Variants in HUNK observed in about 807,000 individuals in gnomAD.
HUNK encodes hormonally up-regulated Neu-associated kinase, also known as hormonally up-regulated neu tumor-associated kinase.
In HUNK, 21 loss-of-function variants were observed where a neutral mutation model predicts 61.0. That is an observed-to-expected ratio of 0.34 (90% CI 0.24 to 0.50). The LOEUF (loss-of-function observed/expected upper bound fraction) is 0.50. Ranked by LOEUF, HUNK falls within the 20% of genes least tolerant of loss-of-function variation. The pLI is 0.98. For missense variants in HUNK, 772 were observed against 945.7 expected (o/e 0.82, Z 2.41); for synonymous variants, 371 against 386.1 (o/e 0.96, Z 0.46).
chr21:31,899,923 G>A (rs1161910801), intron 1 of HUNK, among the ~76,000 whole-genome samples: 2 of 151,984 alleles, frequency 1.3e-5, no homozygotes, highest in Non-Finnish European at 2.9e-5. Flanking sequence ...GATTACAGGT[G>A]CCTATCACCA....
At chr21:31,890,669 G>A (rs928421167) in intron 1 of HUNK, among the ~76,000 whole-genome samples, 1 of 152,168 alleles carries the variant, frequency 6.6e-6, no homozygotes, top group African/African-American at 2.4e-5. Flanking sequence ...TGATACTGCT[G>A]TTGCTATCCT....
chr21:31,977,617 C>T (rs893533439), intron 7 of HUNK, among the ~76,000 whole-genome samples: 4 of 152,196 alleles, frequency 2.6e-5, no homozygotes, highest in Non-Finnish European at 4.4e-5. Flanking sequence ...GATTCACGCT[C>T]TTCTTAAACA....
At chr21:31,911,794 G>A (rs1034370546) in intron 1 of HUNK, among the ~76,000 whole-genome samples, 3 of 152,008 alleles carry the variant, frequency 2.0e-5, no homozygotes, top group Admixed American at 6.6e-5. Context: ...GTCATGGATC[G>A]CCTGCTGTAA....
At chr21:31,917,697 C>CAT (rs1449598729) in intron 1 of HUNK, among the ~76,000 whole-genome samples, 1 of 24,148 alleles carries the variant, frequency 4.1e-5, no homozygotes, top group Admixed American at 3.2e-4. Context: ...CCCAAACATA[C>CAT]ACACACACAC....
intron 1 of HUNK, among the ~76,000 whole-genome samples, chr21:31,889,483 T>G (rs534938933): frequency 3.3e-5 from 5 of 152,374 alleles, no homozygotes; most frequent in African/African-American, 1.2e-4. Context: ...AGTGCATTCT[T>G]GTTTCCAGGT....
intron 10 of HUNK, among the ~76,000 whole-genome samples, chr21:31,997,663 CTTA>C (rs1477567565): frequency 6.6e-6 from 1 of 152,184 alleles, no homozygotes; most frequent in Admixed American, 6.5e-5. Flanking sequence ...TGTGAATATA[CTTA>C]TTATTGCTGA....
intron 3 of HUNK, 46 bp from the exon 4 acceptor site, chr21:31,945,990 C>T (rs760569132): frequency 1.2e-5 from 19 of 1,546,742 alleles, no homozygotes; most frequent in South Asian, 2.4e-5. Flanking sequence ...TCTTCATTTC[C>T]GCAGTTTTCT....
intron 5 of HUNK, among the ~76,000 whole-genome samples, chr21:31,967,093 A>C (rs1035357551): frequency 8.5e-5 from 13 of 152,144 alleles, no homozygotes; most frequent in African/African-American, 3.1e-4. Flanking sequence ...TTACACACTT[A>C]ATCCCAACAC....
intron 1 of HUNK, among the ~76,000 whole-genome samples, chr21:31,921,633 G>T (rs780776782): frequency 6.6e-6 from 1 of 152,128 alleles, no homozygotes; most frequent in Non-Finnish European, 1.5e-5. Flanking sequence ...AGAAATCAGA[G>T]TTCTAGACCC....
Position 31,924,739 on chromosome 21 carries a change from A to C in HUNK, c.533A>C (p.His178Pro). 6.2e-7 allele frequency: 1 copy of C among 1,611,050 alleles called. No homozygotes were observed. Among genetic ancestry groups the C allele is most frequent in the Non-Finnish European group, 8.5e-7 (1 of 1,178,768 alleles). Residue 178 changes from histidine to proline, a missense_variant, in exon 2 of 11, where the codon CAC becomes CCC. Coordinates refer to ENST00000270112, the MANE Select transcript of HUNK (RefSeq NM_014586.2). The surrounding 1 kb of genome is among the most constrained non-coding windows in gnomAD (Gnocchi z 5.1). Reference sequence around the variant, plus strand: ...CTCATCTCTGCCGTAGAGCACCTGCACCGGGCCGGGGTGGTCCACAGGTAA... The same window carrying C: ...CTCATCTCTGCCGTAGAGCACCTGCCCCGGGCCGGGGTGGTCCACAGGTAA... ...RQLISAVEHL[H>P]RAGVVHRDLK...
At chr21:31,938,793 T>C (rs1053220019) in intron 2 of HUNK, among the ~76,000 whole-genome samples, 5 of 152,176 alleles carry the variant, frequency 3.3e-5, no homozygotes, top group Non-Finnish European at 7.3e-5. Context: ...AAGAGTGTTT[T>C]TACATAGTTA....
At position 31,900,600 on chromosome 21, in the gene HUNK, G is replaced by C. The variant is rs913729182; in HGVS notation, c.262-23868G>C. Among the ~76,000 whole-genome samples, 3 of 152,254 alleles carry C rather than the reference G, an allele frequency of 2.0e-5. No homozygotes were observed. The East Asian group carries it at 5.8e-4, about 29-fold the overall frequency. ...TCTGAGGTTTTGTCATGGTCCAAAG[G>C]TCTCCTCTTCGAGTCTGGCTCTCTT... On this transcript the variant is annotated intron_variant, in intron 1 of 10. Transcript: ENST00000270112.
intron 1 of HUNK, among the ~76,000 whole-genome samples, chr21:31,910,219 G>C (rs2052536640): frequency 1.3e-5 from 2 of 152,118 alleles, no homozygotes; most frequent in Admixed American, 6.6e-5. Context: ...AGTTCTGCAG[G>C]CTGGAAACCT....
rs944709164 is a variant in HUNK, at chr21:31,932,182, G to A, written c.554+7422G>A. 3.0e-4 allele frequency among the ~76,000 whole-genome samples: 46 copies of A among 152,308 alleles called. 1 individual carries two copies. Among genetic ancestry groups the A allele is most frequent in the African/African-American group, 7.9e-4 (33 of 41,568 alleles). On this transcript the variant is annotated intron_variant, in intron 2 of 10. Coordinates refer to ENST00000270112, the MANE Select transcript of HUNK (RefSeq NM_014586.2). ...CTCATGTGTACTTACACACTCGGGCGTAAACACACACACACACTCCTGATT... is the reference window on the plus strand; with the variant it reads ...CTCATGTGTACTTACACACTCGGGCATAAACACACACACACACTCCTGATT...
At chr21:31,991,225 CT>C (rs966437857) in intron 9 of HUNK, among the ~76,000 whole-genome samples, 20 of 149,140 alleles carry the variant, frequency 1.3e-4, no homozygotes, top group East Asian at 3.9e-4. Flanking sequence ...AAAACCCCAC[CT>C]TTTTTTTTTG....
chr21:31,974,536 C>T lies in HUNK; in HGVS notation c.1011-19C>T. 6.2e-7 allele frequency: 1 copy of T among 1,606,442 alleles called. No homozygotes were observed. The highest frequency in any genetic ancestry group is 8.5e-7 in the Non-Finnish European group (1 of 1,176,148). Reference sequence around the variant, plus strand: ...GTGAAGTGCAGGGGTGACTGGTCCTCTCTCTCTGCACCTCGCAGGATTTCT... The same window carrying T: ...GTGAAGTGCAGGGGTGACTGGTCCTTTCTCTCTGCACCTCGCAGGATTTCT... On this transcript the variant is annotated intron_variant, in intron 6 of 10. Coordinates refer to ENST00000270112, the MANE Select transcript of HUNK (RefSeq NM_014586.2).
chr21:31,887,796 T>C (rs2052357770), intron 1 of HUNK, among the ~76,000 whole-genome samples: 1 of 152,174 alleles, frequency 6.6e-6, no homozygotes, highest in African/African-American at 2.4e-5. Context: ...TGTTTAGGGA[T>C]GATAGAATGA....
At chr21:31,877,890 TGGG>T (rs2052276892) in intron 1 of HUNK, among the ~76,000 whole-genome samples, 1 of 152,034 alleles carries the variant, frequency 6.6e-6, no homozygotes, top group Non-Finnish European at 1.5e-5. Context: ...CAGAGTGACT[TGGG>T]GGCTGCTGCA....
At chr21:31,934,306 G>A (rs577341672) in intron 2 of HUNK, among the ~76,000 whole-genome samples, 2 of 151,942 alleles carry the variant, frequency 1.3e-5, no homozygotes, top group African/African-American at 2.4e-5. Flanking sequence ...AGCCGGGTGC[G>A]GTGGCGGGCG....
Sources: allele counts gnomAD v4.1 joint callset (sites outside exome capture counted in the v4.1 genomes callset), GRCh38; gene constraint gnomAD v4.1.1; non-coding constraint Gnocchi (gnomAD v3.1); transcripts MANE v1.5; gene names NCBI Gene and HGNC (gene_info 2026-07-23, HGNC 2026-07-21).